The following SERPINB12 variants were observed in gnomAD, a reference collection of about 807,000 sequenced individuals.
SERPINB12 encodes serpin family B member 12.
In SERPINB12, 57 loss-of-function variants were observed where a neutral mutation model predicts 41.1. The ratio of observed to expected loss-of-function variants is 1.39; its 90% CI spans 1.12 to 1.73. The LOEUF is 1.73. Among genes scored for constraint, SERPINB12 ranks in the 40% most tolerant of loss-of-function variants. SERPINB12 has a pLI of 0.00. For synonymous variants in SERPINB12, 180 were observed against 181.3 expected (o/e 0.99, Z 0.06); for missense variants, 536 against 501.9 (o/e 1.07, Z -0.65).
At chr18:63,524,585 C>G in the SERPINB12 span, among the ~76,000 whole-genome samples, 1 of 152,136 alleles carries the variant, frequency 6.6e-6, no homozygotes, top group Non-Finnish European at 1.5e-5. Flanking sequence ...GCCACTGTGC[C>G]TGGCCAAAAT....
intron 2 of SERPINB12, among the ~76,000 whole-genome samples, chr18:63,557,232 C>T (rs893259450): frequency 1.4e-4 from 22 of 152,108 alleles, no homozygotes; most frequent in Non-Finnish European, 3.1e-4. Context: ...ATGGCTCTTT[C>T]CCCTGGTAAC....
Position 63,558,570 on chromosome 18 carries a change from T to C in SERPINB12, c.303+84T>C, listed in dbSNP as rs1910761573. ...TGTAGGATATTTGGTGATAGTTGCT[T>C]ATCCCCAAATATTAGACTCTGGATA... On this transcript the variant is annotated intron_variant, in intron 3 of 7. Coordinates refer to ENST00000382768, the MANE Select transcript of SERPINB12 (RefSeq NM_001307928.2). 5 of 1,383,830 alleles carry C rather than the reference T, an allele frequency of 3.6e-6. No homozygotes were observed. The Admixed American group carries it at 1.0e-4, about 28-fold the overall frequency. The allele number at this position is 1,383,830 out of a possible 1,614,324, so 85.7% of individuals were successfully genotyped here. A position where few individuals can be genotyped will look rare whatever the true frequency, so the allele number is the denominator to read the frequency against.
At chr18:63,524,384 G>A in the SERPINB12 span, among the ~76,000 whole-genome samples, 1 of 152,104 alleles carries the variant, frequency 6.6e-6, no homozygotes, top group South Asian at 2.1e-4. Context: ...CTGCCTCCTG[G>A]GGTCAAGCAA....
chr18:63,560,669 A>G (rs73468563), intron 4 of SERPINB12, among the ~76,000 whole-genome samples: 2,308 of 152,234 alleles, frequency 0.015, 67 homozygotes, highest in African/African-American at 0.053. Flanking sequence ...TCTATTTCTA[A>G]AACTTTTTTT....
chr18:63,524,365 C>T, the SERPINB12 span, among the ~76,000 whole-genome samples: 2 of 152,130 alleles, frequency 1.3e-5, no homozygotes, highest in African/African-American at 4.8e-5. Context: ...TCTCAGCTGA[C>T]TGCAACCTCT....
At chr18:63,543,067 G>A (rs1194688335) in intron 1 of SERPINB12, among the ~76,000 whole-genome samples, 2 of 152,092 alleles carry the variant, frequency 1.3e-5, no homozygotes, top group Admixed American at 6.6e-5. Context: ...TTATGATTAT[G>A]AGCAACTTAA....
the SERPINB12 span, among the ~76,000 whole-genome samples, chr18:63,530,811 A>T: frequency 2.6e-5 from 4 of 152,178 alleles, no homozygotes; most frequent in African/African-American, 9.7e-5. Flanking sequence ...TATCTTTAAA[A>T]GGGAGGGGAA....
the SERPINB12 span, among the ~76,000 whole-genome samples, chr18:63,525,823 A>T: frequency 5.9e-5 from 9 of 152,332 alleles, no homozygotes; most frequent in African/African-American, 1.9e-4. Context: ...TTATCACCCA[A>T]GTAAGAACTT....
intron 1 of SERPINB12, among the ~76,000 whole-genome samples, chr18:63,543,809 G>T (rs1361956942): frequency 6.6e-6 from 1 of 152,066 alleles, no homozygotes; most frequent in African/African-American, 2.4e-5. Flanking sequence ...TAGAGATGAG[G>T]TTTTGCCATG....
At chr18:63,559,808 A>G in intron 4 of SERPINB12, 90 bp downstream of exon 4, 1 of 1,335,836 alleles carries the variant, frequency 7.5e-7, no homozygotes. Context: ...TGCCATCTAG[A>G]ACACAAACCT....
rs1368592691 is a variant in SERPINB12, at chr18:63,568,960, T to C, written c.*1949T>C. Among the ~76,000 whole-genome samples the C allele has an allele frequency of 1.3e-5, 2 of 152,154 alleles. No homozygotes were observed. The highest frequency in any genetic ancestry group is 4.8e-5 in the African/African-American group (2 of 41,438). On this transcript the variant is annotated 3_prime_UTR_variant, in exon 8 of 8. Transcript: ENST00000382768. ...TGCATGTCCCATGGGTCAAATTAAT[T>C]TCAGATAACCAAAAACTTCATGTCC...
chr18:63,521,442 C>A, the SERPINB12 span, among the ~76,000 whole-genome samples: 1 of 152,174 alleles, frequency 6.6e-6, no homozygotes, highest in African/African-American at 2.4e-5. Context: ...GGTCAAAATT[C>A]TTTTAGCAAC....
chr18:63,550,768 G>C (rs928274181), intron 1 of SERPINB12, among the ~76,000 whole-genome samples: 1 of 152,016 alleles, frequency 6.6e-6, no homozygotes. Flanking sequence ...ACCTTAATGG[G>C]GGTATTTACA....
At chr18:63,549,125 A>C (rs903403207) in intron 1 of SERPINB12, among the ~76,000 whole-genome samples, 1 of 152,194 alleles carries the variant, frequency 6.6e-6, no homozygotes, top group African/African-American at 2.4e-5. Flanking sequence ...ATAAACACTT[A>C]AGATGCAATT....
the SERPINB12 span, among the ~76,000 whole-genome samples, chr18:63,527,913 A>G: frequency 6.6e-6 from 1 of 152,036 alleles, no homozygotes; most frequent in East Asian, 1.9e-4. Flanking sequence ...TCATGGGGGA[A>G]GGTCTTTCCC....
At chr18:63,562,705 CA>C (rs1233840219) in intron 5 of SERPINB12, among the ~76,000 whole-genome samples, 1 of 152,156 alleles carries the variant, frequency 6.6e-6, no homozygotes, top group Non-Finnish European at 1.5e-5. Flanking sequence ...AAAAGGAAAG[CA>C]ATTCATTAAT....
At chr18:63,562,288 G>C (rs993825068) in intron 5 of SERPINB12, among the ~76,000 whole-genome samples, 2 of 152,244 alleles carry the variant, frequency 1.3e-5, no homozygotes, top group African/African-American at 4.8e-5. Flanking sequence ...CAGGCTGCTG[G>C]ACATAGACTA....
chr18:63,562,321 G>A (rs999123721), intron 5 of SERPINB12, among the ~76,000 whole-genome samples: 8 of 152,234 alleles, frequency 5.3e-5, no homozygotes, highest in African/African-American at 1.9e-4. Flanking sequence ...ATCATCGTGT[G>A]GGGCTGGCGA....
chr18:63,541,795 C>A (rs566789623), upstream of SERPINB12, among the ~76,000 whole-genome samples: 1 of 152,054 alleles, frequency 6.6e-6, no homozygotes, highest in Admixed American at 6.6e-5. Context: ...GGGAGAGACA[C>A]CTTTTGTTTA....
Sources: gnomAD v4.1 joint callset for allele counts (sites outside exome capture counted in the v4.1 genomes callset) on GRCh38, gnomAD v4.1.1 for gene constraint, MANE v1.5 for transcripts, NCBI Gene and HGNC (gene_info 2026-07-23, HGNC 2026-07-21) for gene names.